SCML4: variants seen among roughly 807,000 people sequenced by gnomAD.
SCML4 encodes the protein Scm polycomb group protein like 4, also known as sex comb on midleg-like protein 4.
Under a neutral mutation model 41.1 loss-of-function variants are expected in SCML4, and 34 were observed. That is an observed-to-expected ratio of 0.83 (90% confidence interval 0.63 to 1.10). The LOEUF (loss-of-function observed/expected upper bound fraction) is 1.10. Ranked by LOEUF, SCML4 falls within the 50% of genes least tolerant of loss-of-function variation. The probability of loss-of-function intolerance (pLI) is 0.00; values close to 1 mark genes in which losing one functional copy is unlikely to be tolerated. For missense variants in SCML4, 522 were observed against 534.1 expected (o/e 0.98, Z 0.22); for synonymous variants, 214 against 220.9 (o/e 0.97, Z 0.28).
intron 1 of SCML4, among the ~76,000 whole-genome samples, chr6:107,789,976 T>C (rs932863720): frequency 3.3e-5 from 5 of 152,256 alleles, no homozygotes; most frequent in South Asian, 2.1e-4. Context: ...ACCGTATAGA[T>C]GGAGAGTCTG....
chr6:107,749,124 G>T (rs1033372539), intron 3 of SCML4, among the ~76,000 whole-genome samples: 1 of 151,638 alleles, frequency 6.6e-6, no homozygotes, highest in Non-Finnish European at 1.5e-5. Context: ...GTGTGTGCGC[G>T]TGTGTGTGTG....
intron 2 of SCML4, among the ~76,000 whole-genome samples, chr6:107,759,151 A>C (rs78933409): frequency 6.7e-6 from 1 of 149,278 alleles, no homozygotes; most frequent in African/African-American, 2.5e-5. Context: ...AAAAAAAAAA[A>C]AAACCTGAAA....
chr6:107,832,884 C>T, the SCML4 span, among the ~76,000 whole-genome samples: 1 of 152,192 alleles, frequency 6.6e-6, no homozygotes, highest in Non-Finnish European at 1.5e-5. Context: ...TTAGGAAATG[C>T]TTGCTGTGGT....
At chr6:107,705,641 C>T (rs1473314727) in intron 7 of SCML4, among the ~76,000 whole-genome samples, 1 of 152,132 alleles carries the variant, frequency 6.6e-6, no homozygotes, top group Non-Finnish European at 1.5e-5. Flanking sequence ...ATCTCCTCAT[C>T]CAAACTTGGC....
At chr6:107,837,571 C>T in the SCML4 span, among the ~76,000 whole-genome samples, 1 of 152,178 alleles carries the variant, frequency 6.6e-6, no homozygotes, top group Non-Finnish European at 1.5e-5. Flanking sequence ...CCACTGGAGA[C>T]AGGTCACCCA....
chr6:107,770,237 C>CT (rs1780412058), intron 2 of SCML4, among the ~76,000 whole-genome samples: 1 of 152,090 alleles, frequency 6.6e-6, no homozygotes, highest in Admixed American at 6.5e-5. Flanking sequence ...ATCCTATTAA[C>CT]ATACAACATT....
At chr6:107,725,805 G>A (rs147187997) in intron 5 of SCML4, among the ~76,000 whole-genome samples, 1 of 152,252 alleles carries the variant, frequency 6.6e-6, no homozygotes, top group African/African-American at 2.4e-5. Flanking sequence ...GTTTGCACTG[G>A]GCACGGTGGC....
chr6:107,771,677 C>T (rs986134296), intron 2 of SCML4, among the ~76,000 whole-genome samples: 1 of 152,238 alleles, frequency 6.6e-6, no homozygotes, highest in Non-Finnish European at 1.5e-5. Flanking sequence ...TTCATTATGA[C>T]TCTCTGTGTT....
chr6:107,773,627 G>A (rs1273062101), intron 1 of SCML4, among the ~76,000 whole-genome samples: 1 of 149,250 alleles, frequency 6.7e-6, no homozygotes, highest in Non-Finnish European at 1.5e-5. Flanking sequence ...AAGCTTCTCA[G>A]GTAGAATTGC....
intron 1 of SCML4, among the ~76,000 whole-genome samples, chr6:107,803,436 GC>G (rs1192186302): frequency 6.6e-4 from 97 of 147,362 alleles, no homozygotes; most frequent in Non-Finnish European, 8.0e-4. Context: ...GGGGGGGTCA[GC>G]CCCCCGCCCG....
chr6:107,834,437 G>C, the SCML4 span, among the ~76,000 whole-genome samples: 1 of 152,190 alleles, frequency 6.6e-6, no homozygotes, highest in Admixed American at 6.5e-5. Context: ...TGTTTGCAGC[G>C]AGGCAAATAC....
At chr6:107,811,230 T>C (rs1195309312) in intron 1 of SCML4, among the ~76,000 whole-genome samples, 2 of 152,246 alleles carry the variant, frequency 1.3e-5, no homozygotes, top group Non-Finnish European at 2.9e-5. Context: ...GATTTTGTTA[T>C]GGCAGCCCTA....
chr6:107,706,300 C>T (rs915112263), intron 7 of SCML4, among the ~76,000 whole-genome samples: 23 of 152,160 alleles, frequency 1.5e-4, no homozygotes, highest in Non-Finnish European at 3.2e-4. Context: ...TGTCTCCTCC[C>T]ACCCTGGAAG....
intron 1 of SCML4, among the ~76,000 whole-genome samples, chr6:107,773,342 A>G (rs1780664793): frequency 6.6e-6 from 1 of 152,158 alleles, no homozygotes; most frequent in Non-Finnish European, 1.5e-5. Context: ...CTGTAATCCC[A>G]GCACTTTGGG....
At chr6:107,843,815 G>A in the SCML4 span, among the ~76,000 whole-genome samples, 1 of 152,108 alleles carries the variant, frequency 6.6e-6, no homozygotes, top group Non-Finnish European at 1.5e-5. Context: ...ACACACTGGT[G>A]TTCACAGAAT....
chr6:107,765,301 C>T (rs1482260204), intron 2 of SCML4, among the ~76,000 whole-genome samples: 2 of 152,202 alleles, frequency 1.3e-5, no homozygotes, highest in Admixed American at 6.5e-5. Flanking sequence ...CGGGTACAGG[C>T]ATCCTGAGCT....
chr6:107,795,461 A>G (rs1195250622), intron 1 of SCML4, among the ~76,000 whole-genome samples: 1 of 152,208 alleles, frequency 6.6e-6, no homozygotes, highest in Admixed American at 6.5e-5. Flanking sequence ...TTGAGTTTTG[A>G]CAAATGTATA....
chr6:107,706,779 C>G (rs747194026), intron 7 of SCML4, among the ~76,000 whole-genome samples: 1 of 151,984 alleles, frequency 6.6e-6, no homozygotes, highest in Non-Finnish European at 1.5e-5. Context: ...GATGGCAGCC[C>G]GAGCAGCCGA....
intron 5 of SCML4, among the ~76,000 whole-genome samples, chr6:107,736,067 G>T (rs575784899): frequency 5.9e-5 from 9 of 152,096 alleles, no homozygotes; most frequent in Non-Finnish European, 1.2e-4. Flanking sequence ...GTAGAAATGA[G>T]GAAGTTCCCT....
Sources: allele counts gnomAD v4.1 joint callset (sites outside exome capture counted in the v4.1 genomes callset), GRCh38; gene constraint gnomAD v4.1.1; transcripts MANE v1.5; gene names NCBI Gene and HGNC (gene_info 2026-07-23, HGNC 2026-07-21).